Variants in YEATS4 observed in about 807,000 individuals in gnomAD.
The protein encoded by YEATS4 is YEATS domain containing 4.
YEATS4 carries 17 observed loss-of-function variants against 30.1 expected under a neutral mutation model. That is an observed-to-expected ratio of 0.56 (90% confidence interval 0.39 to 0.85). The LOEUF is 0.85. Among genes scored for constraint, YEATS4 ranks in the 40% least tolerant of loss-of-function variants. YEATS4 has a pLI of 0.00. For synonymous variants in YEATS4, 85 were observed against 87.5 expected (o/e 0.97, Z 0.16); for missense variants, 142 against 268.3 (o/e 0.53, Z 3.29).
chr12:69,407,702 C>CTTT, the YEATS4 span, among the ~76,000 whole-genome samples: 298 of 62,640 alleles, frequency 4.8e-3, 1 homozygote, highest in African/African-American at 7.7e-3. Flanking sequence ...TACTTTTTGT[C>CTTT]TTTTTTTTTT....
intron 2 of YEATS4, among the ~76,000 whole-genome samples, chr12:69,363,524 T>C (rs2120900249): frequency 6.6e-6 from 1 of 152,348 alleles, no homozygotes; most frequent in Non-Finnish European, 1.5e-5. Flanking sequence ...TAGTATTTAA[T>C]CAGGAGTTTC....
chr12:69,402,732 T>C, the YEATS4 span, among the ~76,000 whole-genome samples: 1 of 148,570 alleles, frequency 6.7e-6, no homozygotes, highest in African/African-American at 2.5e-5. Flanking sequence ...TTTCTTTTTT[T>C]TTTTTTTTTT....
At chr12:69,368,741 T>C (rs1315206366) in intron 4 of YEATS4, among the ~76,000 whole-genome samples, 1 of 152,228 alleles carries the variant, frequency 6.6e-6, no homozygotes, top group Non-Finnish European at 1.5e-5. Flanking sequence ...CAGCCCCAGA[T>C]GTTCCTTGGC....
At chr12:69,412,520 G>A in the YEATS4 span, among the ~76,000 whole-genome samples, 1 of 152,148 alleles carries the variant, frequency 6.6e-6, no homozygotes. Flanking sequence ...CGGCGTGGTG[G>A]CAGGGGCCTG....
the YEATS4 span, among the ~76,000 whole-genome samples, chr12:69,421,426 A>T: frequency 6.6e-6 from 1 of 152,172 alleles, no homozygotes; most frequent in Non-Finnish European, 1.5e-5. Context: ...TTAAAATTTT[A>T]TATTATATCG....
the YEATS4 span, among the ~76,000 whole-genome samples, chr12:69,410,425 C>G: frequency 6.6e-6 from 1 of 152,048 alleles, no homozygotes; most frequent in African/African-American, 2.4e-5. Flanking sequence ...TATAATGAGC[C>G]CAAATCTACT....
downstream of YEATS4, among the ~76,000 whole-genome samples, chr12:69,391,899 T>C (rs1314387415): frequency 6.6e-6 from 1 of 152,178 alleles, no homozygotes; most frequent in African/African-American, 2.4e-5. Context: ...TTCATAAAAC[T>C]AAAGTCCATG....
At chr12:69,373,670 T>G (rs1055098966) in intron 6 of YEATS4, among the ~76,000 whole-genome samples, 2 of 152,232 alleles carry the variant, frequency 1.3e-5, no homozygotes, top group African/African-American at 4.8e-5. Context: ...TGCCTGTGTT[T>G]ATAGGGTATT....
intron 4 of YEATS4, 116 bp from the exon 5 acceptor site, chr12:69,370,590 A>G (rs1875599680): frequency 2.5e-6 from 2 of 804,246 alleles, no homozygotes; most frequent in East Asian, 3.1e-5. Context: ...TTGAAACAAG[A>G]TCATGAATTT....
chr12:69,360,569 A>C (rs1283200017), intron 1 of YEATS4, among the ~76,000 whole-genome samples: 2 of 152,162 alleles, frequency 1.3e-5, no homozygotes. Flanking sequence ...CATTCAGTAA[A>C]TGTCAACTTC....
At chr12:69,412,142 C>T in the YEATS4 span, among the ~76,000 whole-genome samples, 1 of 152,168 alleles carries the variant, frequency 6.6e-6, no homozygotes, top group Non-Finnish European at 1.5e-5. Flanking sequence ...ACTGCAGATT[C>T]ATTTGTCCAG....
chr12:69,360,642 C>A (rs901817897), intron 1 of YEATS4, among the ~76,000 whole-genome samples: 3 of 150,424 alleles, frequency 2.0e-5, no homozygotes, highest in Non-Finnish European at 4.4e-5. Context: ...ATATTTATTT[C>A]CCTCACACAG....
At chr12:69,379,367 C>T (rs778347198) in intron 6 of YEATS4, among the ~76,000 whole-genome samples, 10 of 151,962 alleles carry the variant, frequency 6.6e-5, no homozygotes, top group Non-Finnish European at 1.3e-4. Flanking sequence ...CTCTCTCTCT[C>T]TATCTCCTCT....
chr12:69,417,967 A>T, the YEATS4 span, among the ~76,000 whole-genome samples: 2 of 152,118 alleles, frequency 1.3e-5, no homozygotes, highest in East Asian at 3.9e-4. Flanking sequence ...AGTTAAGATG[A>T]TCAAATAAAA....
At chr12:69,406,013 T>C in the YEATS4 span, among the ~76,000 whole-genome samples, 3 of 152,244 alleles carry the variant, frequency 2.0e-5, no homozygotes, top group Non-Finnish European at 4.4e-5. Flanking sequence ...TTCCACTATA[T>C]GAATGTTCTA....
chr12:69,416,573 C>A, the YEATS4 span, among the ~76,000 whole-genome samples: 1 of 152,232 alleles, frequency 6.6e-6, no homozygotes, highest in African/African-American at 2.4e-5. Flanking sequence ...AAAGGGCAGC[C>A]CAAGAAGCAC....
At chr12:69,388,097 G>A (rs1407956148) in intron 6 of YEATS4, among the ~76,000 whole-genome samples, 1 of 149,048 alleles carries the variant, frequency 6.7e-6, no homozygotes, top group African/African-American at 2.5e-5. Context: ...TCGCGCTGTC[G>A]CCCAGGCTGG....
At chr12:69,419,763 C>T in the YEATS4 span, among the ~76,000 whole-genome samples, 1 of 152,184 alleles carries the variant, frequency 6.6e-6, no homozygotes, top group Admixed American at 6.6e-5. Context: ...CAGAAAAGAC[C>T]TGGGCATAAA....
At chr12:69,392,023 C>G (rs962115696), downstream of YEATS4, among the ~76,000 whole-genome samples, 2 of 152,074 alleles carry the variant, frequency 1.3e-5, no homozygotes, top group Non-Finnish European at 2.9e-5. Flanking sequence ...GGTAGGATTT[C>G]ACTGTGACAT....
Sources: allele counts gnomAD v4.1 joint callset (sites outside exome capture counted in the v4.1 genomes callset), GRCh38; gene constraint gnomAD v4.1.1; transcripts MANE v1.5; gene names NCBI Gene and HGNC (gene_info 2026-07-23, HGNC 2026-07-21).